Variants in MTMR14 observed in about 807,000 individuals in gnomAD.
MTMR14 encodes the protein phosphatidylinositol-3,5-bisphosphate 3-phosphatase MTMR14.
Under a neutral mutation model 86.3 loss-of-function variants are expected in MTMR14, and 48 were observed. That is an observed-to-expected ratio of 0.56 (90% CI 0.44 to 0.71). The LOEUF is 0.71. Ranked by LOEUF, MTMR14 falls within the 30% of genes least tolerant of loss-of-function variation. The pLI, the probability that MTMR14 is intolerant of heterozygous loss-of-function variation, is 0.00. For missense variants in MTMR14, 780 were observed against 834.6 expected (o/e 0.93, Z 0.81); for synonymous variants, 366 against 326.1 (o/e 1.12, Z -1.32).
At chr3:9,663,926 T>A (rs2048100456) in intron 3 of MTMR14, among the ~76,000 whole-genome samples, 1 of 151,856 alleles carries the variant, frequency 6.6e-6, no homozygotes, top group Non-Finnish European at 1.5e-5. Context: ...GTAGCTGGGA[T>A]TACAGGAGCA....
chr3:9,691,048 C>T (rs2076123948), intron 17 of MTMR14, among the ~76,000 whole-genome samples: 1 of 152,214 alleles, frequency 6.6e-6, no homozygotes, highest in African/African-American at 2.4e-5. Context: ...TCCCATCACC[C>T]CTCTATGGTT....
At chr3:9,659,898 A>G (rs1295282340) in intron 2 of MTMR14, 3 of 450,906 alleles carry the variant, frequency 6.7e-6, no homozygotes, top group Non-Finnish European at 1.3e-5. Flanking sequence ...TTTTAACAGA[A>G]GTTTAGCCTG....
chr3:9,689,458 C>T, intron 16 of MTMR14, among the ~76,000 whole-genome samples: 1 of 152,180 alleles, frequency 6.6e-6, no homozygotes, highest in Non-Finnish European at 1.5e-5. Flanking sequence ...GAATTGGGAA[C>T]TTGAGGGTCA....
chr3:9,687,198 C>A (rs773258743), intron 13 of MTMR14, among the ~76,000 whole-genome samples: 1 of 152,136 alleles, frequency 6.6e-6, no homozygotes, highest in Non-Finnish European at 1.5e-5. Context: ...GAGAGGGTGC[C>A]ATTTCACTTT....
chr3:9,691,238 A>C, intron 17 of MTMR14, among the ~76,000 whole-genome samples: 1 of 152,102 alleles, frequency 6.6e-6, no homozygotes. Flanking sequence ...GCTGGAGCTG[A>C]GCCTGTGAAA....
chr3:9,661,614 T>A (rs1463283122), intron 2 of MTMR14, among the ~76,000 whole-genome samples: 1 of 151,896 alleles, frequency 6.6e-6, no homozygotes, highest in Non-Finnish European at 1.5e-5. Flanking sequence ...CCAGAGAGGG[T>A]CCCTAGGGCA....
intron 5 of MTMR14, 79 bp from the exon 6 acceptor site, chr3:9,670,961 ATCCATACT>A: frequency 6.4e-7 from 1 of 1,557,244 alleles, no homozygotes; most frequent in Admixed American, 1.7e-5. Flanking sequence ...GAAGAGTGAC[ATCCATACT>A]TCCCTGAATG....
intron 5 of MTMR14, 128 bp from the exon 6 acceptor site, chr3:9,670,920 C>A: frequency 8.3e-7 from 1 of 1,205,252 alleles, no homozygotes; most frequent in Middle Eastern, 1.9e-4. Flanking sequence ...GGCACCCATG[C>A]GTCCACCTAG....
At chr3:9,680,571 C>T (rs1222896919) in intron 9 of MTMR14, among the ~76,000 whole-genome samples, 1 of 152,212 alleles carries the variant, frequency 6.6e-6, no homozygotes, top group Non-Finnish European at 1.5e-5. Context: ...CATGGCCGGG[C>T]ACGGTGGCTC....
intron 3 of MTMR14, among the ~76,000 whole-genome samples, chr3:9,667,248 C>T (rs1166993251): frequency 1.3e-5 from 2 of 152,144 alleles, no homozygotes; most frequent in African/African-American, 2.4e-5. Flanking sequence ...AACAGGCAGC[C>T]ACACACCCTG....
Position 9,687,946 on chromosome 3 carries a change from C to T in MTMR14, c.1235+55C>T. On this transcript the variant is annotated intron_variant, in intron 14 of 18. Transcript: ENST00000296003. Reference sequence around the variant, plus strand: ...GGCCAGGGCGCTCTGAGAAGGGCTGCTCCCTGGGAGGCAAGAGGCTGACCA... The same window carrying T: ...GGCCAGGGCGCTCTGAGAAGGGCTGTTCCCTGGGAGGCAAGAGGCTGACCA... 3 of 1,452,076 alleles carry T rather than the reference C, an allele frequency of 2.1e-6. No homozygotes were observed. In the East Asian group the frequency reaches 7.2e-5, roughly 35 times the overall value. The allele number at this position is 1,452,076 out of a possible 1,614,324, so 89.9% of individuals were successfully genotyped here. A position where few individuals can be genotyped will look rare whatever the true frequency, so the allele number is the denominator to read the frequency against.
intron 7 of MTMR14, chr3:9,675,704 G>A (rs1294946548): frequency 6.6e-6 from 3 of 457,118 alleles, no homozygotes; most frequent in African/African-American, 6.0e-5. Flanking sequence ...CCTGAGTAGA[G>A]TCTATTTTAA....
intron 1 of MTMR14, among the ~76,000 whole-genome samples, chr3:9,651,555 A>C (rs1037226498): frequency 6.6e-6 from 1 of 152,204 alleles, no homozygotes; most frequent in Non-Finnish European, 1.5e-5. Flanking sequence ...ATCTCCTGCA[A>C]ACTTAGATGT....
At chr3:9,684,737 G>A (rs1575044556) in intron 11 of MTMR14, 67 bp downstream of exon 11, 32 of 1,572,756 alleles carry the variant, frequency 2.0e-5, no homozygotes, top group East Asian at 1.8e-4. Flanking sequence ...CCAGACAGAG[G>A]GTGGAGCAGG....
intron 9 of MTMR14, among the ~76,000 whole-genome samples, chr3:9,682,323 T>G (rs2075795298): frequency 6.6e-6 from 1 of 152,204 alleles, no homozygotes; most frequent in Non-Finnish European, 1.5e-5. Flanking sequence ...AGGTGCCGTG[T>G]TCCCCCTCCC....
intron 1 of MTMR14, among the ~76,000 whole-genome samples, chr3:9,652,774 G>A (rs2047375964): frequency 6.6e-6 from 1 of 151,552 alleles, no homozygotes; most frequent in Non-Finnish European, 1.5e-5. Context: ...CGGATCACTT[G>A]AGATCAGGAG....
At chr3:9,695,378 T>A (rs1032113672) in intron 17 of MTMR14, among the ~76,000 whole-genome samples, 1 of 152,198 alleles carries the variant, frequency 6.6e-6, no homozygotes, top group Non-Finnish European at 1.5e-5. Context: ...GCCAGTGTGC[T>A]CACTCTTGAA....
intron 17 of MTMR14, among the ~76,000 whole-genome samples, chr3:9,694,107 T>C (rs888985120): frequency 2.0e-5 from 3 of 152,172 alleles, no homozygotes; most frequent in African/African-American, 7.2e-5. Context: ...GCTGTGTGCT[T>C]TACTCCCGTT....
intron 17 of MTMR14, among the ~76,000 whole-genome samples, chr3:9,694,409 A>G (rs889037893): frequency 6.6e-6 from 1 of 152,202 alleles, no homozygotes; most frequent in African/African-American, 2.4e-5. Context: ...TGGGAGGCCA[A>G]GGTCAGAGAA....
Sources: allele counts gnomAD v4.1 joint callset (sites outside exome capture counted in the v4.1 genomes callset), GRCh38; gene constraint gnomAD v4.1.1; transcripts MANE v1.5; gene names NCBI Gene and HGNC (gene_info 2026-07-23, HGNC 2026-07-21).